RBFOX3: variants seen among roughly 807,000 people sequenced by gnomAD.
RBFOX3 encodes the protein RNA binding protein fox-1 homolog 3.
In RBFOX3, 17 loss-of-function variants were observed where a neutral mutation model predicts 48.7. The observed-to-expected ratio is 0.35, with a 90% confidence interval of 0.24 to 0.52. The LOEUF is 0.52. RBFOX3 is among the 20% of genes least tolerant of loss of function. The pLI, the probability that RBFOX3 is intolerant of heterozygous loss-of-function variation, is 0.94. For synonymous variants in RBFOX3, 212 were observed against 209.5 expected, an observed-to-expected ratio of 1.01 and a Z score of -0.10; for missense variants, 382 against 497.5, an observed-to-expected ratio of 0.77 and a Z score of 2.21.
chr17:79,192,297 A>G (rs1010208170), intron 4 of RBFOX3, among the ~76,000 whole-genome samples: 1 of 152,030 alleles, frequency 6.6e-6, no homozygotes, highest in East Asian at 1.9e-4. Flanking sequence ...TCCCACTGAG[A>G]GTTGCTGCAT....
chr17:79,139,902 CAT>C (rs2041566671), intron 4 of RBFOX3, among the ~76,000 whole-genome samples: 1 of 152,208 alleles, frequency 6.6e-6, no homozygotes, highest in South Asian at 2.1e-4. Flanking sequence ...TCACTATCCC[CAT>C]GTTACTGATG....
intron 1 of RBFOX3, among the ~76,000 whole-genome samples, chr17:79,605,119 A>G (rs1300455743): frequency 2.0e-5 from 3 of 152,202 alleles, no homozygotes; most frequent in African/African-American, 7.2e-5. Flanking sequence ...TTTGCGTGGC[A>G]CACTGCCTCC....
intron 2 of RBFOX3, among the ~76,000 whole-genome samples, chr17:79,404,747 T>C (rs568095040): frequency 6.6e-6 from 1 of 152,292 alleles, no homozygotes; most frequent in Admixed American, 6.5e-5. Context: ...CCCTGTGGCC[T>C]GGTATGCTCA....
intron 4 of RBFOX3, among the ~76,000 whole-genome samples, chr17:79,153,186 C>T (rs2044987265): frequency 6.6e-6 from 1 of 152,188 alleles, no homozygotes; most frequent in African/African-American, 2.4e-5. Context: ...TTTTGCAGAA[C>T]TGCTGACCCC....
intron 2 of RBFOX3, among the ~76,000 whole-genome samples, chr17:79,385,973 G>T (rs1484034850): frequency 7.0e-6 from 1 of 142,530 alleles, no homozygotes; most frequent in Non-Finnish European, 1.5e-5. Context: ...ACACCAGATG[G>T]GGGCTCCATC....
the RBFOX3 span, among the ~76,000 whole-genome samples, chr17:79,654,034 T>C: frequency 6.6e-6 from 1 of 152,196 alleles, no homozygotes; most frequent in Non-Finnish European, 1.5e-5. Flanking sequence ...ACTGCTCTTT[T>C]TTTTTTCATC....
intron 9 of RBFOX3, among the ~76,000 whole-genome samples, chr17:79,100,944 G>A (rs1003926741): frequency 2.6e-5 from 4 of 152,126 alleles, no homozygotes; most frequent in Non-Finnish European, 1.5e-5. Context: ...GCTCAGCCTG[G>A]GGCCTCAGGG....
intron 4 of RBFOX3, among the ~76,000 whole-genome samples, chr17:79,173,021 C>T (rs2049695932): frequency 6.6e-6 from 1 of 152,144 alleles, no homozygotes; most frequent in African/African-American, 2.4e-5. Flanking sequence ...CCAGCCTGGC[C>T]AACATGGTGA....
At chr17:79,532,827 A>ACGTGTG (rs1326841825) in intron 1 of RBFOX3, among the ~76,000 whole-genome samples, 6 of 137,164 alleles carry the variant, frequency 4.4e-5, no homozygotes, top group African/African-American at 1.9e-4. Flanking sequence ...ACTATTGAAC[A>ACGTGTG]CGTGTGTGTG....
intron 2 of RBFOX3, among the ~76,000 whole-genome samples, chr17:79,389,902 G>T (rs2061118632): frequency 6.6e-6 from 1 of 152,250 alleles, no homozygotes; most frequent in Admixed American, 6.5e-5. Context: ...AAAGCAGAGA[G>T]GGTTTCAGCT....
chr17:79,281,250 G>C (rs1157566417), intron 3 of RBFOX3, among the ~76,000 whole-genome samples: 1 of 152,274 alleles, frequency 6.6e-6, no homozygotes, highest in Non-Finnish European at 1.5e-5. Context: ...GGGCCTGGAG[G>C]AGCCGTGGGC....
chr17:79,327,555 G>C (rs1424007190), intron 2 of RBFOX3, among the ~76,000 whole-genome samples: 2 of 152,220 alleles, frequency 1.3e-5, no homozygotes, highest in East Asian at 3.9e-4. Flanking sequence ...GAAGCTCAAG[G>C]TGTCTTTCTT....
intron 2 of RBFOX3, among the ~76,000 whole-genome samples, chr17:79,436,634 T>C (rs1555731296): frequency 6.6e-6 from 1 of 152,116 alleles, no homozygotes; most frequent in Non-Finnish European, 1.5e-5. Context: ...AGGGACCAGA[T>C]GATTAGGAGG....
intron 2 of RBFOX3, among the ~76,000 whole-genome samples, chr17:79,454,770 CTATCCACACT>C (rs2074186201): frequency 6.6e-6 from 1 of 152,208 alleles, no homozygotes; most frequent in Non-Finnish European, 1.5e-5. Flanking sequence ...AGAAGCAGCC[CTATCCACACT>C]GACTGGAGCG....
At chr17:79,403,935 A>G (rs953277792) in intron 2 of RBFOX3, among the ~76,000 whole-genome samples, 4 of 151,656 alleles carry the variant, frequency 2.6e-5, no homozygotes, top group Admixed American at 2.6e-4. Flanking sequence ...GCCCGCCACC[A>G]CGCCTGGCTA....
intron 1 of RBFOX3, among the ~76,000 whole-genome samples, chr17:79,576,615 A>T (rs2092870156): frequency 6.6e-6 from 1 of 151,924 alleles, no homozygotes; most frequent in African/African-American, 2.4e-5. Flanking sequence ...CAGGTTGGAG[A>T]TAATGAACAT....
intron 2 of RBFOX3, among the ~76,000 whole-genome samples, chr17:79,371,003 G>GC (rs886828358): frequency 3.3e-4 from 50 of 152,218 alleles, no homozygotes; most frequent in African/African-American, 1.2e-3. Flanking sequence ...CCCCCGGTAG[G>GC]GGGTTAGGGA....
At chr17:79,119,939 G>A (rs2035237010) in intron 4 of RBFOX3, among the ~76,000 whole-genome samples, 1 of 152,232 alleles carries the variant, frequency 6.6e-6, no homozygotes, top group Non-Finnish European at 1.5e-5. Flanking sequence ...CCCCAGACCA[G>A]AAAAGCAAAG....
intron 3 of RBFOX3, among the ~76,000 whole-genome samples, chr17:79,276,487 A>G (rs1009064952): frequency 1.3e-5 from 2 of 152,108 alleles, no homozygotes; most frequent in East Asian, 3.9e-4. Context: ...GGAGTTCGAG[A>G]CCAGCCTGTG....
Sources: gnomAD v4.1 joint callset for allele counts (sites outside exome capture counted in the v4.1 genomes callset) on GRCh38, gnomAD v4.1.1 for gene constraint, MANE v1.5 for transcripts, NCBI Gene and HGNC (gene_info 2026-07-23, HGNC 2026-07-21) for gene names.